The following ASPM variants were observed in gnomAD, a reference collection of about 807,000 sequenced individuals.
ASPM encodes assembly factor for spindle microtubules, also known as abnormal spindle-like microcephaly-associated protein.
Under a neutral mutation model 366.4 loss-of-function variants are expected in ASPM, and 256 were observed. That is an observed-to-expected ratio of 0.70 (90% CI 0.63 to 0.77). The LOEUF (loss-of-function observed/expected upper bound fraction) is 0.77. ASPM is among the 30% of genes least tolerant of loss of function. The probability of loss-of-function intolerance (pLI) is 0.00; values close to 1 mark genes in which losing one functional copy is unlikely to be tolerated. For synonymous variants in ASPM, 1,414 were observed against 1,342.9 expected, an observed-to-expected ratio of 1.05 and a Z score of -1.16; for missense variants, 4,146 against 4,090.4, an observed-to-expected ratio of 1.01 and a Z score of -0.37.
At chr1:197,115,620 A>T (rs746291074) in intron 17 of ASPM, among the ~76,000 whole-genome samples, 1 of 152,236 alleles carries the variant, frequency 6.6e-6, no homozygotes, top group Non-Finnish European at 1.5e-5. Context: ...TCCATGGACT[A>T]CAGAATGGAT....
rs762970059 is a variant in ASPM at position 197,104,101 on chromosome 1, A to G, written c.5150T>C (p.Ile1717Thr). 6.2e-7 allele frequency: 1 copy of G among 1,612,900 alleles called. No individual in the cohort carries two copies. Among genetic ancestry groups the G allele is most frequent in the Non-Finnish European group, 8.5e-7 (1 of 1,179,396 alleles). The change falls in exon 18 of 28, where the codon ATA (isoleucine) becomes ACA (threonine). Residue 1717 changes from isoleucine to threonine, a missense_variant. Around this residue, in one of 3 missense-constraint regions of ASPM, gnomAD observed 3,624 missense variants for 3,591.7 expected, o/e 1.01. Coordinates refer to ENST00000367409, the MANE Select transcript of ASPM (RefSeq NM_018136.5). ...FIQQCYRSKKIAAQKREEYMQ... is the reference protein window; with the variant it reads ...FIQQCYRSKKTAAQKREEYMQ... Reference sequence around the variant, plus strand: ...ATACTCTTCTCTCTTTTGTGCAGCTATTTTTTTGGAACGGTAACATTGCTG... The same window carrying G: ...ATACTCTTCTCTCTTTTGTGCAGCTGTTTTTTTGGAACGGTAACATTGCTG...
At chr1:197,139,578 G>T (rs1405093591) in intron 4 of ASPM, among the ~76,000 whole-genome samples, 189 bp downstream of exon 4, 1 of 152,134 alleles carries the variant, frequency 6.6e-6, no homozygotes, top group East Asian at 1.9e-4. Flanking sequence ...CTGATCTATT[G>T]AACATTTGGT....
At chr1:197,133,723 C>A in intron 5 of ASPM, 128 bp from the exon 6 acceptor site, 1 of 1,083,206 alleles carries the variant, frequency 9.2e-7, no homozygotes, top group Non-Finnish European at 1.3e-6. Flanking sequence ...CAAGCTTACT[C>A]CTTAGGCCAA....
intron 1 of ASPM, 22 bp from the exon 2 acceptor site, chr1:197,144,122 A>G: frequency 6.6e-7 from 1 of 1,519,254 alleles, no homozygotes; most frequent in Non-Finnish European, 9.1e-7. Flanking sequence ...ACAATACATT[A>G]TATAATTACA....
chr1:197,105,124 A>C lies in ASPM; in HGVS notation c.4127T>G (p.Ile1376Ser). The C allele has an allele frequency of 6.2e-7, 1 of 1,608,958 alleles. No homozygotes were observed. Among genetic ancestry groups the C allele is most frequent in the South Asian group, 1.1e-5 (1 of 90,894 alleles). ...RFLKLKYYSI[I>S]LQSRIRMIIA... Reference sequence around the variant, plus strand: ...TATCATTCTTATCCTAGATTGCAGGATGATTGAATAATATTTCAATTTCAG... The same window carrying C: ...TATCATTCTTATCCTAGATTGCAGGCTGATTGAATAATATTTCAATTTCAG... Residue 1376 changes from isoleucine (I) to serine (S), a missense_variant, in exon 18 of 28, where the codon ATC becomes AGC. Transcript: ENST00000367409.
In ASPM at chr1:197,135,167, T is replaced by G; in HGVS notation, c.2102A>C (p.Gln701Pro). 6.2e-7 allele frequency: 1 copy of G among 1,613,632 alleles called. No individual in the cohort carries two copies. Among genetic ancestry groups the G allele is most frequent in the Non-Finnish European group, 8.5e-7 (1 of 1,179,560 alleles). Residue 701 changes from glutamine to proline, a missense_variant, in exon 5 of 28, where the codon CAG becomes CCG. Coordinates refer to ENST00000367409, the MANE Select transcript of ASPM (RefSeq NM_018136.5). ...AAAATTTAACCACCAAGTGAAGCCCTGTTCCTGCTTTTCCTTCCAGCGTTC... is the reference window on the plus strand; with the variant it reads ...AAAATTTAACCACCAAGTGAAGCCCGGTTCCTGCTTTTCCTTCCAGCGTTC... ...YDERWKEKQE[Q>P]GFTWWLNFIL...
Position 197,124,923 on chromosome 1 carries a change from T to C in ASPM, c.3115A>G (p.Arg1039Gly), listed in dbSNP as rs1259632140. 1 of 1,612,418 alleles carries C rather than the reference T, an allele frequency of 6.2e-7. No homozygotes were observed. The highest frequency in any genetic ancestry group is 1.1e-5 in the South Asian group (1 of 91,042). ...AACCTGAGAGTTTTTTCTCTGTGCC[T>C]ATCCACAATATCCTTAGATAGAATT... ...NTILSKDIVD[R>G]HREKTLRLLW... Residue 1039 changes from arginine (R) to glycine (G), a missense_variant, in exon 12 of 28, where the codon AGG (arginine) becomes GGG (glycine). Arg to Gly is a moderately radical substitution (Grantham distance 125, BLOSUM62 -2). This residue lies in a region of ASPM where 3,624 missense variants were observed against 3,591.7 expected (regional missense o/e 1.01). Transcript: ENST00000367409.
Position 197,146,371 on chromosome 1 carries a change from C to A in ASPM, c.67G>T (p.Gly23Trp), listed in dbSNP as rs947502700. ...VSPTERRPPA[G>W]LRGPAAEEEA... ...TCCTCGGCCGCGGGGCCCCGCAGCC[C>A]CGCGGGCGGCCTCCGCTCGGTCGGG... The change falls in exon 1 of 28, where the codon GGG (glycine) becomes TGG (tryptophan). Residue 23 changes from glycine (G) to tryptophan (W), a missense_variant. This residue lies in a region of ASPM where 512 missense variants were observed against 471.7 expected (regional missense o/e 1.09). Transcript: ENST00000367409. 19 of 1,607,902 alleles carry A rather than the reference C, an allele frequency of 1.2e-5. No homozygotes were observed. Among genetic ancestry groups the A allele is most frequent in the Non-Finnish European group, 1.4e-5 (17 of 1,178,486 alleles).
At position 197,088,103 on chromosome 1, in the gene ASPM, C is replaced by A. The variant is rs912185429; in HGVS notation, c.10161+153G>T. On this transcript the variant is annotated intron_variant, in intron 26 of 27. Transcript: ENST00000367409. Reference sequence around the variant, plus strand: ...GTCAGAAAGAAACAACTCATAGATACATCCTGAATTCATTTTATCCGTGCA... The same window carrying A: ...GTCAGAAAGAAACAACTCATAGATAAATCCTGAATTCATTTTATCCGTGCA... The A allele has an allele frequency of 2.5e-5, 18 of 725,718 alleles. No homozygotes were observed. In the African/African-American group the frequency reaches 3.2e-4, roughly 13 times the overall value. The allele number at this position is 725,718 out of a possible 1,614,324, so 45.0% of individuals were successfully genotyped here.
rs751358312 is a variant in ASPM at position 197,104,731 on chromosome 1, T to C, written c.4520A>G (p.Tyr1507Cys). Reference sequence around the variant, plus strand: ...TAGTATGGACTCTTTTCTTCTTTTATATAACTTTTGGGCTTGAAAGCACCG... The same window carrying C: ...TAGTATGGACTCTTTTCTTCTTTTACATAACTTTTGGGCTTGAAAGCACCG... ...RFRCFQAQKL[Y>C]KRRKESILTI... Residue 1507 changes from tyrosine (Y) to cysteine (C), a missense_variant, in exon 18 of 28, where the codon TAT (tyrosine) becomes TGT (cysteine). Around this residue, in one of 3 missense-constraint regions of ASPM, gnomAD observed 3,624 missense variants for 3,591.7 expected, o/e 1.01. Coordinates refer to ENST00000367409, the MANE Select transcript of ASPM (RefSeq NM_018136.5). The C allele has an allele frequency of 2.3e-5, 37 of 1,608,904 alleles. No homozygotes were observed. The highest frequency in any genetic ancestry group is 2.5e-5 in the Non-Finnish European group (30 of 1,178,100).
chr1:197,130,076 A>C lies in ASPM; in HGVS notation c.2488-20T>G, dbSNP rs747598525. ...AGTTGTCTGAAAATAAATTAAAGCC[A>C]AAGTCAGAATTATGCTATCTCTAAG... On this transcript the variant is annotated intron_variant, in intron 7 of 27. Coordinates refer to ENST00000367409, the MANE Select transcript of ASPM (RefSeq NM_018136.5). The C allele has an allele frequency of 1.9e-6, 3 of 1,611,160 alleles. No individual in the cohort carries two copies. Among genetic ancestry groups the C allele is most frequent in the Admixed American group, 3.3e-5 (2 of 60,004 alleles).
chr1:197,090,130 C>T lies in ASPM; in HGVS notation c.9830-46G>A, dbSNP rs549008653. On this transcript the variant is annotated intron_variant, in intron 24 of 27. Coordinates refer to ENST00000367409, the MANE Select transcript of ASPM (RefSeq NM_018136.5). ...ACACACACAGGTAAATTTACAGCAA[C>T]AAAATGAAGTTTTAGCTAATAATGT... is the stretch of plus-strand genomic sequence containing the variant. 173 of 1,611,998 alleles carry T rather than the reference C, an allele frequency of 1.1e-4. 1 individual carries two copies. The South Asian group carries it at 1.8e-3, about 17-fold the overall frequency.
At chr1:197,085,137 G>T (rs1413429889) in intron 27 of ASPM, among the ~76,000 whole-genome samples, 5 of 152,044 alleles carry the variant, frequency 3.3e-5, no homozygotes, top group Non-Finnish European at 7.4e-5. Context: ...TACCAAACTA[G>T]TCTGAAGAAT....
Position 197,142,401 on chromosome 1 carries a change from T to C in ASPM, c.1851A>G (p.Thr617=). The part of the protein sequence containing the change: ...SEPKTSAVKK[T]KNVTTPISKR... ...TTGAGATGGGTGTTGTCACATTTTT[T>C]GTTTTCTTAACAGCTGATGTTTTAG... The change falls in exon 3 of 28, where the codon ACA becomes ACG. Residue 617 remains threonine (T), a synonymous_variant. Transcript: ENST00000367409. 1 of 1,613,942 alleles carries C rather than the reference T, an allele frequency of 6.2e-7. No homozygotes were observed. Among genetic ancestry groups the C allele is most frequent in the East Asian group, 2.2e-5 (1 of 44,866 alleles).
At chr1:197,087,584 A>G (rs900782046) in intron 26 of ASPM, among the ~76,000 whole-genome samples, 2 of 152,138 alleles carry the variant, frequency 1.3e-5, no homozygotes, top group African/African-American at 4.8e-5. Flanking sequence ...TCCAGTTACC[A>G]AGTCTTGAAA....
At chr1:197,108,174 T>C (rs1044066674) in intron 17 of ASPM, among the ~76,000 whole-genome samples, 40 of 151,336 alleles carry the variant, frequency 2.6e-4, no homozygotes, top group African/African-American at 9.5e-4. Context: ...CTTTAAATCA[T>C]AGAAAAAGCC....
intron 19 of ASPM, among the ~76,000 whole-genome samples, chr1:197,094,400 G>A (rs1279045206): frequency 6.6e-6 from 1 of 151,746 alleles, no homozygotes; most frequent in Non-Finnish European, 1.5e-5. Flanking sequence ...ATTCCAGTGG[G>A]TAAGAAATAT....
intron 3 of ASPM, among the ~76,000 whole-genome samples, chr1:197,140,637 A>G (rs1658551946): frequency 6.6e-6 from 1 of 152,216 alleles, no homozygotes; most frequent in Admixed American, 6.5e-5. Flanking sequence ...CTCCACTATT[A>G]ATCACTTTGA....
chr1:197,145,591 T>C (rs1374109870), intron 1 of ASPM, among the ~76,000 whole-genome samples: 2 of 151,986 alleles, frequency 1.3e-5, no homozygotes, highest in Non-Finnish European at 2.9e-5. Flanking sequence ...CATATTAAGA[T>C]GGCTGATAGA....
Sources: allele counts gnomAD v4.1 joint callset (sites outside exome capture counted in the v4.1 genomes callset), GRCh38; gene constraint gnomAD v4.1.1; regional missense constraint gnomAD v4.1.1; transcripts MANE v1.5; gene names NCBI Gene and HGNC (gene_info 2026-07-23, HGNC 2026-07-21).